Variants in CBFB observed in about 807,000 individuals in gnomAD.
CBFB encodes core-binding factor subunit beta, also known as CBF-beta.
Under a neutral mutation model 30.4 loss-of-function variants are expected in CBFB, and 9 were observed. The observed-to-expected ratio is 0.30, with a 90% CI of 0.18 to 0.52. The LOEUF is 0.52. Ranked by LOEUF, CBFB falls within the 20% of genes least tolerant of loss-of-function variation. The pLI, the probability that CBFB is intolerant of heterozygous loss-of-function variation, is 0.97. For missense variants in CBFB, 170 were observed against 244.0 expected (o/e 0.70, Z 2.02); for synonymous variants, 94 against 84.0 (o/e 1.12, Z -0.65).
chr16:67,097,720 T>C (rs1448906272), intron 5 of CBFB, among the ~76,000 whole-genome samples: 1 of 152,150 alleles, frequency 6.6e-6, no homozygotes, highest in Non-Finnish European at 1.5e-5. Flanking sequence ...ATTTGTAAAA[T>C]AGAGATAAAT....
At chr16:67,071,991 T>C (rs1961235928) in intron 4 of CBFB, among the ~76,000 whole-genome samples, 1 of 152,162 alleles carries the variant, frequency 6.6e-6, no homozygotes, top group Non-Finnish European at 1.5e-5. Flanking sequence ...TTTGTTTCTC[T>C]CTGCTGATCA....
Position 67,058,995 on chromosome 16 carries a change from C to T in CBFB, c.283-7687C>T, listed in dbSNP as rs564932875. ...GGTCTTGTTTGCAAATCTGTAGTTA[C>T]TCTGTTTTAATTGCCTTGAAATTCT... On this transcript the variant is annotated intron_variant, in intron 3 of 5. Transcript: ENST00000412916. 2.6e-5 allele frequency among the ~76,000 whole-genome samples: 4 copies of T among 152,250 alleles called. No homozygotes were observed. The South Asian group carries it at 8.3e-4, about 32-fold the overall frequency.
chr16:67,097,361 CGTG>C, intron 5 of CBFB, among the ~76,000 whole-genome samples: 1 of 151,904 alleles, frequency 6.6e-6, no homozygotes, highest in South Asian at 2.1e-4. Flanking sequence ...GCCTAACCAA[CGTG>C]GAGAAACCCC....
chr16:67,084,999 G>A (rs768280146), intron 5 of CBFB, among the ~76,000 whole-genome samples: 6 of 152,178 alleles, frequency 3.9e-5, no homozygotes, highest in Admixed American at 2.0e-4. Context: ...TTTAGCGTAT[G>A]TGCCACTGAC....
intron 3 of CBFB, among the ~76,000 whole-genome samples, chr16:67,051,075 A>G (rs1381208977): frequency 6.6e-6 from 1 of 152,214 alleles, no homozygotes; most frequent in Non-Finnish European, 1.5e-5. Flanking sequence ...AACTGAAATC[A>G]TGGAGAGCAA....
chr16:67,081,541 C>T (rs1406188314), intron 4 of CBFB, among the ~76,000 whole-genome samples: 1 of 151,982 alleles, frequency 6.6e-6, no homozygotes, highest in Non-Finnish European at 1.5e-5. Context: ...GTGGCTTGCA[C>T]CTGTAATCCC....
intron 3 of CBFB, among the ~76,000 whole-genome samples, chr16:67,062,661 A>G (rs1344119440): frequency 6.6e-6 from 1 of 151,578 alleles, no homozygotes; most frequent in Admixed American, 6.6e-5. Context: ...ATGTGGTGGC[A>G]TGCACCAGTA....
intron 5 of CBFB, among the ~76,000 whole-genome samples, chr16:67,098,114 TTTTGTTTGTTTGTTTG>T (rs369708538): frequency 5.3e-5 from 8 of 150,496 alleles, no homozygotes; most frequent in African/African-American, 7.5e-5. Flanking sequence ...TTGTGGGGTT[TTTTGTTTGTTTGTTTG>T]TTTGTTTGTT....
chr16:67,073,997 C>G (rs1961313811), intron 4 of CBFB, among the ~76,000 whole-genome samples: 1 of 151,752 alleles, frequency 6.6e-6, no homozygotes, highest in Non-Finnish European at 1.5e-5. Context: ...CCACTGCACT[C>G]CAAGCCTGGG....
chr16:67,091,344 G>A (rs932238716), intron 5 of CBFB, among the ~76,000 whole-genome samples: 1 of 152,212 alleles, frequency 6.6e-6, no homozygotes, highest in African/African-American at 2.4e-5. Flanking sequence ...AATGGAAATG[G>A]GAAGTGATGA....
intron 3 of CBFB, among the ~76,000 whole-genome samples, chr16:67,061,716 C>T (rs566091125): frequency 1.3e-5 from 2 of 152,132 alleles, no homozygotes; most frequent in South Asian, 2.1e-4. Context: ...TAATTGCAGT[C>T]ATTAGTCTTG....
At chr16:67,030,017 G>C (rs1966307299) in intron 2 of CBFB, 1 of 461,990 alleles carries the variant, frequency 2.2e-6, no homozygotes, top group Non-Finnish European at 3.8e-6. Flanking sequence ...GGCTCGCCGC[G>C]GTGGCGCGTG....
intron 2 of CBFB, among the ~76,000 whole-genome samples, chr16:67,031,820 G>T (rs1966355760): frequency 6.9e-6 from 1 of 144,552 alleles, no homozygotes; most frequent in East Asian, 2.0e-4. Context: ...GTCTTGTTTC[G>T]TTTTTTTTTT....
chr16:67,031,602 C>T (rs1181496135), intron 2 of CBFB, among the ~76,000 whole-genome samples: 1 of 152,220 alleles, frequency 6.6e-6, no homozygotes, highest in East Asian at 1.9e-4. Context: ...CCTTCGCCTC[C>T]TGGGTTAAAG....
intron 2 of CBFB, among the ~76,000 whole-genome samples, chr16:67,035,364 G>T (rs1478779089): frequency 2.0e-5 from 3 of 152,170 alleles, no homozygotes; most frequent in South Asian, 2.1e-4. Context: ...GATTACGAGT[G>T]TGAACCACTG....
intron 4 of CBFB, among the ~76,000 whole-genome samples, chr16:67,078,963 A>G (rs913851183): frequency 6.6e-6 from 1 of 152,142 alleles, no homozygotes; most frequent in South Asian, 2.1e-4. Flanking sequence ...CCAGGCCCAC[A>G]GTTTTTTCCT....
chr16:67,074,299 G>A (rs1359417994), intron 4 of CBFB, among the ~76,000 whole-genome samples: 1 of 152,086 alleles, frequency 6.6e-6, no homozygotes, highest in Non-Finnish European at 1.5e-5. Flanking sequence ...ACATTTCTGT[G>A]AGGGGAAAAT....
At chr16:67,079,461 A>C (rs1271267018) in intron 4 of CBFB, among the ~76,000 whole-genome samples, 3 of 151,182 alleles carry the variant, frequency 2.0e-5, no homozygotes, top group African/African-American at 7.3e-5. Context: ...CCAGCAGTAC[A>C]CAGTCCAGGC....
At chr16:67,059,034 CAA>C (rs1960811480) in intron 3 of CBFB, among the ~76,000 whole-genome samples, 1 of 152,146 alleles carries the variant, frequency 6.6e-6, no homozygotes, top group South Asian at 2.1e-4. Flanking sequence ...TAGAATCACT[CAA>C]AAGAGGGAAC....
Sources: gnomAD v4.1 joint callset for allele counts (sites outside exome capture counted in the v4.1 genomes callset) on GRCh38, gnomAD v4.1.1 for gene constraint, MANE v1.5 for transcripts, NCBI Gene and HGNC (gene_info 2026-07-23, HGNC 2026-07-21) for gene names.